Variants in AFF3 observed in about 807,000 individuals in gnomAD.
AFF3 encodes the protein ALF transcription elongation factor 3.
In AFF3, 32 loss-of-function variants were observed where a neutral mutation model predicts 129.7. The ratio of observed to expected loss-of-function variants is 0.25; its 90% CI spans 0.19 to 0.33. The LOEUF is 0.33. AFF3 is among the 10% of genes least tolerant of loss of function. AFF3 has a pLI of 1.00. For missense variants in AFF3, 1,373 were observed against 1,592.0 expected (o/e 0.86, Z 2.34); for synonymous variants, 644 against 635.4 (o/e 1.01, Z -0.20).
chr2:99,707,538 A>T, intron 11 of AFF3: 1 of 984,000 alleles, frequency 1.0e-6, no homozygotes, highest in Non-Finnish European at 1.2e-6. Flanking sequence ...GCCTTCTTTG[A>T]TATTGAATTA....
At chr2:99,552,732 C>A (rs1447298010) in intron 24 of AFF3, among the ~76,000 whole-genome samples, 1 of 152,080 alleles carries the variant, frequency 6.6e-6, no homozygotes, top group Non-Finnish European at 1.5e-5. Flanking sequence ...GGGAACAATG[C>A]CAAGTCTGCA....
intron 11 of AFF3, among the ~76,000 whole-genome samples, chr2:99,676,883 C>T (rs1016449420): frequency 1.3e-5 from 2 of 152,114 alleles, no homozygotes; most frequent in South Asian, 2.1e-4. Flanking sequence ...TGGGAGCTAG[C>T]GGGTGGCCAC....
At chr2:99,782,349 TGA>T (rs572533859) in intron 8 of AFF3, among the ~76,000 whole-genome samples, 2 of 152,138 alleles carry the variant, frequency 1.3e-5, no homozygotes, top group Non-Finnish European at 2.9e-5. Context: ...TCTGCCAGCA[TGA>T]GAGAGAGTAG....
At chr2:99,775,496 G>A (rs2105347721) in intron 8 of AFF3, among the ~76,000 whole-genome samples, 1 of 152,264 alleles carries the variant, frequency 6.6e-6, no homozygotes, top group African/African-American at 2.4e-5. Context: ...ATAAGTGGGA[G>A]CTAAATGATG....
At chr2:99,992,680 C>CT (rs1680464586) in intron 7 of AFF3, among the ~76,000 whole-genome samples, 1 of 152,198 alleles carries the variant, frequency 6.6e-6, no homozygotes, top group South Asian at 2.1e-4. Flanking sequence ...CCACAACTAA[C>CT]TACTAAACAC....
At chr2:99,669,164 T>C (rs1686939814) in intron 12 of AFF3, among the ~76,000 whole-genome samples, 1 of 152,188 alleles carries the variant, frequency 6.6e-6, no homozygotes, top group Non-Finnish European at 1.5e-5. Context: ...GCATTTATAC[T>C]TCTGGGCATA....
At chr2:99,642,290 T>C (rs1684278833) in intron 13 of AFF3, among the ~76,000 whole-genome samples, 1 of 139,548 alleles carries the variant, frequency 7.2e-6, no homozygotes, top group Non-Finnish European at 1.5e-5. Flanking sequence ...GGTTTTGATC[T>C]TTTTTTTTTT....
intron 12 of AFF3, among the ~76,000 whole-genome samples, chr2:99,651,252 A>G (rs1221860181): frequency 1.3e-5 from 2 of 150,236 alleles, no homozygotes; most frequent in African/African-American, 4.9e-5. Flanking sequence ...TTCTCTGGCT[A>G]TTCTATTTTT....
At chr2:99,766,761 A>G (rs1005396530) in intron 8 of AFF3, among the ~76,000 whole-genome samples, 2 of 152,232 alleles carry the variant, frequency 1.3e-5, no homozygotes, top group African/African-American at 4.8e-5. Context: ...GTGCTTATCC[A>G]TTGGGAAAAG....
At chr2:100,095,279 C>G (rs1690192996) in intron 4 of AFF3, among the ~76,000 whole-genome samples, 1 of 152,164 alleles carries the variant, frequency 6.6e-6, no homozygotes. Context: ...GCCTGACCTA[C>G]CTTCAGGCTT....
At chr2:99,947,996 A>G (rs1559000894) in intron 7 of AFF3, among the ~76,000 whole-genome samples, 1 of 152,162 alleles carries the variant, frequency 6.6e-6, no homozygotes, top group Non-Finnish European at 1.5e-5. Context: ...GGCAGTCCAG[A>G]GTGAGTGCTT....
intron 7 of AFF3, among the ~76,000 whole-genome samples, chr2:99,991,988 CA>C (rs1680397621): frequency 6.6e-6 from 1 of 150,786 alleles, no homozygotes; most frequent in South Asian, 2.1e-4. Context: ...TTTCCACTTA[CA>C]AGAAGCATAG....
At chr2:99,693,348 A>G (rs1437109834) in intron 11 of AFF3, among the ~76,000 whole-genome samples, 1 of 152,248 alleles carries the variant, frequency 6.6e-6, no homozygotes, top group African/African-American at 2.4e-5. Flanking sequence ...GATTCTTGGA[A>G]ATAAACTTTC....
intron 2 of AFF3, among the ~76,000 whole-genome samples, chr2:100,117,246 T>G (rs1029933727): frequency 1.3e-5 from 2 of 152,196 alleles, no homozygotes; most frequent in Admixed American, 6.5e-5. Flanking sequence ...TTTCCTCTTC[T>G]TCTGAGACTT....
In AFF3 at chr2:100,035,573, A is replaced by G. The variant is rs535128309; in HGVS notation, c.54-26641T>C. Among the ~76,000 whole-genome samples, 3 of 152,336 alleles carry G rather than the reference A, an allele frequency of 2.0e-5. No homozygotes were observed. The South Asian group carries it at 6.2e-4, about 32-fold the overall frequency. ...CAAAGTATGGTGTAGCAGAAAGAGC[A>G]TTACTTGGAGTCCACAATACGGGCT... is the stretch of plus-strand genomic sequence containing the variant. On this transcript the variant is annotated intron_variant, in intron 4 of 24. Transcript: ENST00000672756.
At chr2:99,992,328 T>A (rs1484269313) in intron 7 of AFF3, among the ~76,000 whole-genome samples, 1 of 152,214 alleles carries the variant, frequency 6.6e-6, no homozygotes, top group Non-Finnish European at 1.5e-5. Flanking sequence ...TCACAGCTTA[T>A]GAAACTTTAT....
chr2:99,922,539 A>G (rs1003512534), intron 7 of AFF3, among the ~76,000 whole-genome samples: 2 of 152,214 alleles, frequency 1.3e-5, no homozygotes, highest in Non-Finnish European at 2.9e-5. Context: ...CTATGGTGAC[A>G]GTAACCACAG....
At chr2:100,038,879 C>T (rs1320257320) in intron 4 of AFF3, among the ~76,000 whole-genome samples, 1 of 151,884 alleles carries the variant, frequency 6.6e-6, no homozygotes, top group African/African-American at 2.4e-5. Flanking sequence ...CCCACGACCA[C>T]GCCCGGCTAA....
chr2:100,070,211 TAA>T (rs11320849), intron 4 of AFF3, among the ~76,000 whole-genome samples: 4 of 149,522 alleles, frequency 2.7e-5, no homozygotes, highest in African/African-American at 7.3e-5. Context: ...GGTGGTTTTA[TAA>T]AAAAAAAAAC....
Sources: allele counts gnomAD v4.1 joint callset (sites outside exome capture counted in the v4.1 genomes callset), GRCh38; gene constraint gnomAD v4.1.1; transcripts MANE v1.5; gene names NCBI Gene and HGNC (gene_info 2026-07-23, HGNC 2026-07-21).